MIS18BP1: variants seen among roughly 807,000 people sequenced by gnomAD.
MIS18BP1 encodes MIS18 binding protein 1.
MIS18BP1 carries 72 observed loss-of-function variants against 116.1 expected under a neutral mutation model. The ratio of observed to expected loss-of-function variants is 0.62; its 90% CI spans 0.51 to 0.75. The LOEUF (loss-of-function observed/expected upper bound fraction) is 0.75. Among genes scored for constraint, MIS18BP1 ranks in the 30% least tolerant of loss-of-function variants. The pLI is 0.00. For synonymous variants in MIS18BP1, 386 were observed against 427.0 expected (o/e 0.90, Z 1.18); for missense variants, 1,363 against 1,303.2 (o/e 1.05, Z -0.71).
chr14:45,223,951 T>G lies in MIS18BP1; in HGVS notation c.2636A>C (p.Glu879Ala), dbSNP rs1446777234. 3 of 1,592,612 alleles carry G rather than the reference T, an allele frequency of 1.9e-6. No individual in the cohort carries two copies. Among genetic ancestry groups the G allele is most frequent in the Non-Finnish European group, 2.6e-6 (3 of 1,174,304 alleles). Residue 879 changes from glutamate to alanine, a missense_variant, in exon 11 of 17, where the codon GAA (glutamate) becomes GCA (alanine). Transcript: ENST00000310806. The part of the protein sequence containing the change: ...ECLPGLIQDK[E>A]WNEKELQKLH... ...TTTCTGTAACTCCTTCTCATTCCAT[T>G]CCTTATCCTGAATTAAACCAGGTAA...
intron 15 of MIS18BP1, among the ~76,000 whole-genome samples, chr14:45,205,866 T>G (rs1890500949): frequency 6.6e-6 from 1 of 152,190 alleles, no homozygotes; most frequent in Non-Finnish European, 1.5e-5. Context: ...TCAAAGTTTT[T>G]AGCCATTTTC....
In MIS18BP1 at chr14:45,226,760, A is replaced by G; in HGVS notation, c.1823T>C (p.Ile608Thr). ...TATATTACCTTGCTTCTGACTTTTTATTATCCTTTCATTTGTTCTTTCACC... is the reference window on the plus strand; with the variant it reads ...TATATTACCTTGCTTCTGACTTTTTGTTATCCTTTCATTTGTTCTTTCACC... Reference protein sequence around the residue: ...KIGERTNERIIKSQKQETTEE... With the variant: ...KIGERTNERITKSQKQETTEE... Residue 608 changes from isoleucine to threonine, a missense_variant, in exon 10 of 17, where the codon ATA (isoleucine) becomes ACA (threonine). Coordinates refer to ENST00000310806, the MANE Select transcript of MIS18BP1 (RefSeq NM_018353.5). 7.1e-7 allele frequency: 1 copy of G among 1,399,442 alleles called. No homozygotes were observed. The highest frequency in any genetic ancestry group is 9.5e-7 in the Non-Finnish European group (1 of 1,053,972). The allele number at this position is 1,399,442 out of a possible 1,614,324, so 86.7% of individuals were successfully genotyped here.
At chr14:45,233,799 A>G (rs1158937573) in intron 6 of MIS18BP1, among the ~76,000 whole-genome samples, 1 of 152,202 alleles carries the variant, frequency 6.6e-6, no homozygotes. Flanking sequence ...ATCAGGTTTT[A>G]GATTTATTAA....
At chr14:45,219,110 T>C (rs1890903670) in intron 11 of MIS18BP1, among the ~76,000 whole-genome samples, 1 of 152,186 alleles carries the variant, frequency 6.6e-6, no homozygotes, top group Non-Finnish European at 1.5e-5. Flanking sequence ...TTTCATGCAT[T>C]GTGGTTAGAT....
chr14:45,224,104 AATTC>A lies in MIS18BP1; in HGVS notation c.2479_2482del (p.Glu827PhefsTer31), dbSNP rs1566809916. On this transcript the variant is annotated frameshift_variant, in exon 11 of 17. Coordinates refer to ENST00000310806, the MANE Select transcript of MIS18BP1 (RefSeq NM_018353.5). LOFTEE classifies it high-confidence loss of function. ...TCTAGCTTTCTTTTGTTTGATATAAAATTCATTTTCACTTTCTTCAGTTTCAGGT... is the reference window on the plus strand; with the variant it reads ...TCTAGCTTTCTTTTGTTTGATATAAAATTTTCACTTTCTTCAGTTTCAGGT... 4 of 1,612,342 alleles carry A rather than the reference AATTC, an allele frequency of 2.5e-6. No homozygotes were observed. The South Asian group carries it at 4.4e-5, about 18-fold the overall frequency.
At chr14:45,224,837 G>T in intron 10 of MIS18BP1, 91 bp from the exon 11 acceptor site, 1 of 1,001,332 alleles carries the variant, frequency 1.0e-6, no homozygotes, top group Admixed American at 2.9e-5. Flanking sequence ...ACAAATAAAA[G>T]ATACTATTTT....
At chr14:45,227,122 T>C (rs1187073356) in intron 9 of MIS18BP1, among the ~76,000 whole-genome samples, 1 of 152,232 alleles carries the variant, frequency 6.6e-6, no homozygotes, top group Admixed American at 6.5e-5. Context: ...AAGCTAAAAC[T>C]TTTATTGTTG....
intron 6 of MIS18BP1, among the ~76,000 whole-genome samples, chr14:45,233,551 G>A (rs1891345225): frequency 6.6e-6 from 1 of 152,130 alleles, no homozygotes; most frequent in South Asian, 2.1e-4. Context: ...AATGAGACCA[G>A]TTAGGAGGCC....
chr14:45,226,673 T>C, intron 10 of MIS18BP1, 70 bp downstream of exon 10: 2 of 1,179,678 alleles, frequency 1.7e-6, no homozygotes, highest in Non-Finnish European at 2.2e-6. Flanking sequence ...AAGATCACTT[T>C]TATCATATTA....
At chr14:45,234,229 A>C (rs1891364105) in intron 6 of MIS18BP1, among the ~76,000 whole-genome samples, 1 of 152,188 alleles carries the variant, frequency 6.6e-6, no homozygotes, top group Admixed American at 6.5e-5. Flanking sequence ...ATTCAAGAAA[A>C]AAAAAAAGAA....
Position 45,210,450 on chromosome 14 carries a change from C to A in MIS18BP1, c.3082G>T (p.Val1028Phe). Reference sequence around the variant, plus strand: ...GGAGTTTTTACCAATGGAAAGATAACTGATGATGGAGTTGTTGGATTTTTG... The same window carrying A: ...GGAGTTTTTACCAATGGAAAGATAAATGATGATGGAGTTGTTGGATTTTTG... Reference protein sequence around the residue: ...MDKNPTTPSSVIFPLVKTPQC... With the variant: ...MDKNPTTPSSFIFPLVKTPQC... Residue 1028 changes from valine to phenylalanine, a missense_variant, in exon 14 of 17, where the codon GTT becomes TTT. By Grantham distance (50) the Val-to-Phe change is conservative (BLOSUM62 -1). Transcript: ENST00000310806. 6.2e-7 allele frequency: 1 copy of A among 1,614,012 alleles called. No homozygotes were observed. The highest frequency in any genetic ancestry group is 8.5e-7 in the Non-Finnish European group (1 of 1,179,956).
chr14:45,211,900 A>G (rs1192087042), intron 13 of MIS18BP1, among the ~76,000 whole-genome samples: 2 of 152,204 alleles, frequency 1.3e-5, no homozygotes, highest in Non-Finnish European at 2.9e-5. Flanking sequence ...TCACTGATAC[A>G]AAGAGAATGT....
At chr14:45,227,549 G>GAAAAAAAAA in intron 9 of MIS18BP1, 114 bp downstream of exon 9, 1 of 645,840 alleles carries the variant, frequency 1.5e-6, no homozygotes, top group Non-Finnish European at 2.3e-6. Flanking sequence ...CATCTCAAAA[G>GAAAAAAAAA]AAAAAAAAAA....
intron 2 of MIS18BP1, among the ~76,000 whole-genome samples, chr14:45,246,274 T>C (rs1891719271): frequency 6.6e-6 from 1 of 152,196 alleles, no homozygotes; most frequent in Admixed American, 6.5e-5. Context: ...TATTTATCCC[T>C]TCCTTCTGAG....
chr14:45,230,901 A>G (rs916272622), intron 8 of MIS18BP1, among the ~76,000 whole-genome samples: 5 of 152,182 alleles, frequency 3.3e-5, no homozygotes, highest in South Asian at 2.1e-4. Context: ...GATTACAGGC[A>G]TAAGTCACTG....
chr14:45,252,880 A>G (rs535214063), intron 1 of MIS18BP1, among the ~76,000 whole-genome samples, 155 bp downstream of exon 1: 1 of 152,372 alleles, frequency 6.6e-6, no homozygotes, highest in Non-Finnish European at 1.5e-5. Context: ...CGCAACAAGT[A>G]AACATCGAGT....
intron 14 of MIS18BP1, among the ~76,000 whole-genome samples, chr14:45,209,173 TAC>T (rs141735848): frequency 0.2 from 30,579 of 150,472 alleles, 4,701 homozygotes; most frequent in African/African-American, 0.44. Context: ...AAAGCAATTA[TAC>T]ACACACACAC....
At chr14:45,232,415 T>TAAAAAAA (rs1291844122) in intron 7 of MIS18BP1, 1 of 163,456 alleles carries the variant, frequency 6.1e-6, no homozygotes. Flanking sequence ...AGATTCCATC[T>TAAAAAAA]CAAAAAAAAA....
Position 45,203,791 on chromosome 14 carries a change from T to TAA in MIS18BP1, c.*316_*317dup, listed in dbSNP as rs11398267. On this transcript the variant is annotated 3_prime_UTR_variant, in exon 17 of 17. Coordinates refer to ENST00000310806, the MANE Select transcript of MIS18BP1 (RefSeq NM_018353.5). ...AAATGGTAGCAAAATTTTCTTGAAA[T>TAA]AAAAAAAAATCTGTTTGGGAAATGG... 6.9e-3 allele frequency: 1,066 copies of TAA among 154,872 alleles called. 8 individuals carry two copies. Among genetic ancestry groups the TAA allele is most frequent in the African/African-American group, 0.023 (945 of 41,388 alleles). 9.6% of individuals were successfully genotyped at this position (154,872 alleles called of 1,614,324 possible).
Sources: allele counts gnomAD v4.1 joint callset (sites outside exome capture counted in the v4.1 genomes callset), GRCh38; gene constraint gnomAD v4.1.1; transcripts MANE v1.5; gene names NCBI Gene and HGNC (gene_info 2026-07-23, HGNC 2026-07-21).